Variants in KIF26B observed in about 807,000 individuals in gnomAD.
The protein encoded by KIF26B is kinesin family member 26B.
A neutral mutation model predicts 151.2 loss-of-function variants in KIF26B; 63 were observed. The ratio of observed to expected loss-of-function variants is 0.42; its 90% CI spans 0.34 to 0.51. The LOEUF (loss-of-function observed/expected upper bound fraction) is 0.51, where lower values mean the gene tolerates loss of function less well. Ranked by LOEUF, KIF26B falls within the 20% of genes least tolerant of loss-of-function variation. KIF26B has a pLI of 0.07. For missense variants in KIF26B, 2,813 were observed against 2,913.6 expected (o/e 0.97, Z 0.79); for synonymous variants, 1,357 against 1,262.1 (o/e 1.08, Z -1.59).
intron 12 of KIF26B, among the ~76,000 whole-genome samples, chr1:245,689,100 G>A (rs1301698831): frequency 6.6e-6 from 1 of 152,218 alleles, no homozygotes; most frequent in Non-Finnish European, 1.5e-5. Context: ...CCGTCATCAG[G>A]CTTAGGGCCG....
At chr1:245,534,914 C>T (rs1460140068) in intron 4 of KIF26B, among the ~76,000 whole-genome samples, 2 of 152,062 alleles carry the variant, frequency 1.3e-5, no homozygotes, top group Non-Finnish European at 2.9e-5. Flanking sequence ...ACCCGAGTAG[C>T]TGGCATTACA....
chr1:245,442,486 G>C (rs944308301), intron 4 of KIF26B, among the ~76,000 whole-genome samples: 13 of 152,138 alleles, frequency 8.5e-5, no homozygotes, highest in Non-Finnish European at 1.6e-4. Context: ...GTGGTCCTCA[G>C]GGAAACTGGG....
At chr1:245,194,780 A>G (rs1381838807) in intron 2 of KIF26B, among the ~76,000 whole-genome samples, 8 of 152,218 alleles carry the variant, frequency 5.3e-5, no homozygotes, top group African/African-American at 1.9e-4. Flanking sequence ...CCAGAAGAAT[A>G]AGAATGCTGG....
intron 2 of KIF26B, chr1:245,234,283 T>G (rs1670059820): frequency 6.6e-6 from 1 of 152,256 alleles, no homozygotes; most frequent in South Asian, 2.1e-4. Flanking sequence ...CTTTGTTTGA[T>G]ACCTCTAAGT....
At chr1:245,662,188 T>C (rs2044152626) in intron 10 of KIF26B, among the ~76,000 whole-genome samples, 1 of 150,380 alleles carries the variant, frequency 6.6e-6, no homozygotes, top group Non-Finnish European at 1.5e-5. Flanking sequence ...ACCCAATATA[T>C]ATATACCCAA....
chr1:245,301,154 C>T (rs1214291718), intron 2 of KIF26B, among the ~76,000 whole-genome samples: 1 of 152,192 alleles, frequency 6.6e-6, no homozygotes, highest in Non-Finnish European at 1.5e-5. Context: ...ATTTAAACCT[C>T]ATTGAAATGA....
chr1:245,219,920 A>G (rs758537464), intron 2 of KIF26B, among the ~76,000 whole-genome samples: 5 of 151,828 alleles, frequency 3.3e-5, no homozygotes, highest in African/African-American at 9.7e-5. Context: ...GCCTCAAAAG[A>G]CTATGGGGGT....
In KIF26B at chr1:245,155,033, C is replaced by T. The variant is rs2103514060; in HGVS notation, c.-392C>T. 2 of 444,348 alleles carry T rather than the reference C, an allele frequency of 4.5e-6. No homozygotes were observed. Among genetic ancestry groups the T allele is most frequent in the East Asian group, 7.1e-5 (2 of 28,308 alleles). The allele number at this position is 444,348 out of a possible 1,614,324, so 27.5% of individuals were successfully genotyped here. On this transcript the variant is annotated 5_prime_UTR_variant, in exon 1 of 15. Transcript: ENST00000407071. Reference sequence around the variant, plus strand: ...ACAAGTTCCCACAGCTGACTCGGCTCGGCTCTCCCACCTTCCCGGCAGCGG... The same window carrying T: ...ACAAGTTCCCACAGCTGACTCGGCTTGGCTCTCCCACCTTCCCGGCAGCGG...
intron 5 of KIF26B, among the ~76,000 whole-genome samples, chr1:245,583,513 A>G (rs577264912): frequency 1.3e-5 from 2 of 152,232 alleles, no homozygotes; most frequent in African/African-American, 2.4e-5. Context: ...GGGGAAATTC[A>G]TTATATTCTC....
At chr1:245,522,544 G>A (rs1661151334) in intron 4 of KIF26B, among the ~76,000 whole-genome samples, 1 of 152,196 alleles carries the variant, frequency 6.6e-6, no homozygotes, top group Admixed American at 6.5e-5. Context: ...ACACATGGTT[G>A]ACATAAGAAT....
At chr1:245,426,928 T>C (rs1658662570) in intron 4 of KIF26B, among the ~76,000 whole-genome samples, 1 of 152,246 alleles carries the variant, frequency 6.6e-6, no homozygotes, top group Non-Finnish European at 1.5e-5. Flanking sequence ...TGATCTTGTA[T>C]GATGAAGGCT....
chr1:245,649,372 C>T (rs1489366528), intron 10 of KIF26B, among the ~76,000 whole-genome samples: 6 of 152,224 alleles, frequency 3.9e-5, no homozygotes, highest in African/African-American at 1.2e-4. Flanking sequence ...TGCAGACCCA[C>T]GCCCACTTCT....
intron 5 of KIF26B, among the ~76,000 whole-genome samples, chr1:245,557,224 C>A (rs1362753136): frequency 6.6e-6 from 1 of 152,204 alleles, no homozygotes; most frequent in African/African-American, 2.4e-5. Context: ...AGTTGGTATT[C>A]ATATAGGTTG....
At chr1:245,165,709 C>T (rs1668604613) in intron 2 of KIF26B, among the ~76,000 whole-genome samples, 1 of 152,076 alleles carries the variant, frequency 6.6e-6, no homozygotes, top group Non-Finnish European at 1.5e-5. Context: ...GGATGAAAAA[C>T]CAGGAGAAGA....
chr1:245,391,837 A>G (rs1203948551), intron 3 of KIF26B, among the ~76,000 whole-genome samples: 1 of 152,114 alleles, frequency 6.6e-6, no homozygotes, highest in African/African-American at 2.4e-5. Context: ...TTTAATTTCT[A>G]GTATGGTGAC....
rs1553332272 is a variant in KIF26B at position 245,184,050 on chromosome 1, G to GTTTTTTGTTTTTTTTTTTTTTTTTTTT, written c.465+27373_465+27374insGTTTTTTTTTTTTTTTTTTTTTTTTTT. ...GCAACAGGTATGGGTGGGAGTTGTT[G>GTTTTTTGTTTTTTTTTTTTTTTTTTTT]TTTTTTTTTTTTTTTTTTTGAGCTT... On this transcript the variant is annotated intron_variant, in intron 2 of 14. Coordinates refer to ENST00000407071, the MANE Select transcript of KIF26B (RefSeq NM_018012.4). Among the ~76,000 whole-genome samples the GTTTTTTGTTTTTTTTTTTTTTTTTTTT allele has an allele frequency of 5.3e-3, 105 of 19,808 alleles. 17 individuals carry two copies. Among genetic ancestry groups the GTTTTTTGTTTTTTTTTTTTTTTTTTTT allele is most frequent in the Middle Eastern group, 0.033 (1 of 30 alleles). 13.0% of individuals were successfully genotyped at this position (19,808 alleles called of 152,430 possible).
chr1:245,350,832 G>A (rs1467407412), intron 2 of KIF26B, among the ~76,000 whole-genome samples: 1 of 152,154 alleles, frequency 6.6e-6, no homozygotes, highest in African/African-American at 2.4e-5. Context: ...GTGTATATAT[G>A]TGTGAAGTCT....
intron 2 of KIF26B, among the ~76,000 whole-genome samples, chr1:245,335,584 C>T (rs953749961): frequency 2.0e-5 from 3 of 150,154 alleles, no homozygotes; most frequent in East Asian, 2.0e-4. Context: ...GAGTCCCACG[C>T]GGGAAAAGGA....
intron 9 of KIF26B, among the ~76,000 whole-genome samples, chr1:245,623,990 A>G (rs1159612043): frequency 6.6e-6 from 1 of 152,000 alleles, no homozygotes; most frequent in Admixed American, 6.6e-5. Context: ...CATCATGAGG[A>G]TGGATGTCCC....
Sources: allele counts gnomAD v4.1 joint callset (sites outside exome capture counted in the v4.1 genomes callset), GRCh38; gene constraint gnomAD v4.1.1; transcripts MANE v1.5; gene names NCBI Gene and HGNC (gene_info 2026-07-23, HGNC 2026-07-21).